Variants in TESK2 observed in about 807,000 individuals in gnomAD.
TESK2 encodes the protein dual specificity testis-specific protein kinase 2.
TESK2 carries 39 observed loss-of-function variants against 57.1 expected under a neutral mutation model. That is an observed-to-expected ratio of 0.68 (90% confidence interval 0.53 to 0.89). The LOEUF (loss-of-function observed/expected upper bound fraction) is 0.89. Among genes scored for constraint, TESK2 ranks in the 40% least tolerant of loss-of-function variants. The probability of loss-of-function intolerance (pLI) is 0.00; values close to 1 mark genes in which losing one functional copy is unlikely to be tolerated. For synonymous variants in TESK2, 249 were observed against 267.9 expected (o/e 0.93, Z 0.69); for missense variants, 646 against 732.1 (o/e 0.88, Z 1.36).
At chr1:45,433,455 C>A (rs897901083) in intron 2 of TESK2, among the ~76,000 whole-genome samples, 1 of 152,102 alleles carries the variant, frequency 6.6e-6, no homozygotes, top group African/African-American at 2.4e-5. Context: ...CCCTTCCCAG[C>A]CTCTGGTAAC....
At chr1:45,473,360 G>C (rs548728728) in intron 1 of TESK2, among the ~76,000 whole-genome samples, 2 of 152,248 alleles carry the variant, frequency 1.3e-5, no homozygotes, top group East Asian at 3.9e-4. Context: ...AAGGAAAAAC[G>C]CAAGAATAAA....
intron 1 of TESK2, among the ~76,000 whole-genome samples, chr1:45,469,142 G>C (rs971081859): frequency 3.3e-5 from 5 of 151,788 alleles, no homozygotes; most frequent in African/African-American, 1.2e-4. Context: ...GCTTTGATTG[G>C]GGAAAGTAAT....
chr1:45,380,609 A>G (rs561922242), intron 4 of TESK2, among the ~76,000 whole-genome samples: 2 of 152,340 alleles, frequency 1.3e-5, no homozygotes, highest in South Asian at 2.1e-4. Flanking sequence ...AGTGACAGAC[A>G]TCTTTATTTT....
At chr1:45,357,580 A>G (rs1172360745) in intron 4 of TESK2, among the ~76,000 whole-genome samples, 2 of 151,946 alleles carry the variant, frequency 1.3e-5, no homozygotes, top group African/African-American at 4.8e-5. Context: ...AAAAAGAAAA[A>G]AAAGTGAATA....
intron 1 of TESK2, among the ~76,000 whole-genome samples, chr1:45,473,758 T>A (rs1397560448): frequency 6.6e-6 from 1 of 151,562 alleles, no homozygotes; most frequent in East Asian, 1.9e-4. Context: ...CTTGGCTAGA[T>A]CCTGATTTGA....
chr1:45,429,179 G>A (rs1650843666), intron 2 of TESK2, among the ~76,000 whole-genome samples: 1 of 152,110 alleles, frequency 6.6e-6, no homozygotes, highest in Non-Finnish European at 1.5e-5. Context: ...CGCCAGGTGC[G>A]GTAGAGATCA....
intron 2 of TESK2, among the ~76,000 whole-genome samples, chr1:45,428,785 T>C (rs891537809): frequency 6.8e-6 from 1 of 147,426 alleles, no homozygotes; most frequent in Non-Finnish European, 1.5e-5. Flanking sequence ...ATTACAAACA[T>C]GAGCCACTGC....
chr1:45,393,633 C>T lies in TESK2; in HGVS notation c.345-7673G>A, dbSNP rs111600569. Among the ~76,000 whole-genome samples, 767 of 150,902 alleles carry T rather than the reference C, an allele frequency of 5.1e-3. 8 individuals are homozygous for T. The highest frequency in any genetic ancestry group is 0.018 in the African/African-American group (726 of 41,058). ...GTGGGCGTCTGTAGTCCCAGCTACTCGGGAGGCTGAGGCAGGAGAATAGCT... is the reference window on the plus strand; with the variant it reads ...GTGGGCGTCTGTAGTCCCAGCTACTTGGGAGGCTGAGGCAGGAGAATAGCT... On this transcript the variant is annotated intron_variant, in intron 3 of 10. Transcript: ENST00000372086.
intron 3 of TESK2, among the ~76,000 whole-genome samples, chr1:45,409,843 C>T (rs1460630376): frequency 6.6e-6 from 1 of 152,096 alleles, no homozygotes; most frequent in Admixed American, 6.6e-5. Context: ...ATAATGGGTA[C>T]TCAATAATTA....
chr1:45,485,430 G>A (rs1318468053), intron 1 of TESK2, among the ~76,000 whole-genome samples: 1 of 151,930 alleles, frequency 6.6e-6, no homozygotes, highest in Non-Finnish European at 1.5e-5. Flanking sequence ...CTCGTGATCC[G>A]CCCGCCTCGG....
At chr1:45,450,122 TTTATACC>T (rs1440652239) in intron 2 of TESK2, among the ~76,000 whole-genome samples, 17 of 152,220 alleles carry the variant, frequency 1.1e-4, no homozygotes, top group African/African-American at 2.7e-4. Flanking sequence ...GGATCAATGT[TTTATACC>T]TTACACTAGG....
intron 1 of TESK2, among the ~76,000 whole-genome samples, chr1:45,467,454 C>T (rs1387794589): frequency 6.6e-6 from 1 of 151,908 alleles, no homozygotes; most frequent in African/African-American, 2.4e-5. Flanking sequence ...AAGGGATTCC[C>T]CTGCCTCAGC....
chr1:45,457,000 T>C (rs1370269176), intron 2 of TESK2, among the ~76,000 whole-genome samples: 1 of 152,100 alleles, frequency 6.6e-6, no homozygotes, highest in Non-Finnish European at 1.5e-5. Flanking sequence ...TTAGGAGCAT[T>C]ATGGGCTCAT....
In TESK2 at chr1:45,346,774, G is replaced by A. The variant is rs370401771; in HGVS notation, c.798C>T (p.Phe266=). 6.7e-5 allele frequency: 108 copies of A among 1,613,862 alleles called. No homozygotes were observed. The highest frequency in any genetic ancestry group is 2.5e-4 in the African/African-American group (19 of 75,052). ...DPDYLPRTEN[F]GLDYDAFQHM... ...GCTGGAAAGCATCATAGTCCAGCCC[G>A]AAATTCTGTGGATGGGTATGGAAAG... Residue 266 remains phenylalanine (F), a synonymous_variant, in exon 9 of 11, where the codon TTC becomes TTT. Transcript: ENST00000372086.
intron 2 of TESK2, among the ~76,000 whole-genome samples, chr1:45,440,076 G>A (rs1269487526): frequency 4.6e-5 from 7 of 151,694 alleles, no homozygotes; most frequent in South Asian, 2.1e-4. Context: ...CTCAACCTCC[G>A]GAGTAGCTGG....
At chr1:45,367,256 G>A (rs767598891) in intron 4 of TESK2, among the ~76,000 whole-genome samples, 5 of 152,126 alleles carry the variant, frequency 3.3e-5, no homozygotes, top group Non-Finnish European at 5.9e-5. Flanking sequence ...GTTGATTAGT[G>A]TTATATTCAA....
At chr1:45,385,761 G>T in intron 4 of TESK2, 151 bp downstream of exon 4, 1 of 251,550 alleles carries the variant, frequency 4.0e-6, no homozygotes, top group East Asian at 7.1e-5. Context: ...TTGTTCCCAG[G>T]CAACAGAATA....
intron 3 of TESK2, among the ~76,000 whole-genome samples, chr1:45,389,878 A>T (rs1037166699): frequency 2.0e-5 from 3 of 152,226 alleles, no homozygotes; most frequent in African/African-American, 7.2e-5. Context: ...TATCATTATT[A>T]ACAATCCTAA....
chr1:45,433,622 T>C (rs1651071716), intron 2 of TESK2, among the ~76,000 whole-genome samples: 1 of 152,168 alleles, frequency 6.6e-6, no homozygotes, highest in Non-Finnish European at 1.5e-5. Flanking sequence ...ATTTCATACA[T>C]TTTTATGTCC....
Sources: allele counts gnomAD v4.1 joint callset (sites outside exome capture counted in the v4.1 genomes callset), GRCh38; gene constraint gnomAD v4.1.1; transcripts MANE v1.5; gene names NCBI Gene and HGNC (gene_info 2026-07-23, HGNC 2026-07-21).